The following CFAP91 variants were observed in gnomAD, a reference collection of about 807,000 sequenced individuals.
CFAP91 encodes cilia and flagella associated protein 91.
Under a neutral mutation model 95.9 loss-of-function variants are expected in CFAP91, and 85 were observed. The ratio of observed to expected loss-of-function variants is 0.89; its 90% confidence interval spans 0.74 to 1.06. CFAP91 has a LOEUF of 1.06. CFAP91 is among the 50% of genes least tolerant of loss of function. The pLI, the probability that CFAP91 is intolerant of heterozygous loss-of-function variation, is 0.00. For synonymous variants in CFAP91, 335 were observed against 327.5 expected (o/e 1.02, Z -0.25); for missense variants, 962 against 943.4 (o/e 1.02, Z -0.26).
chr3:119,736,517 C>A (rs891051167), intron 10 of CFAP91, among the ~76,000 whole-genome samples: 1 of 151,976 alleles, frequency 6.6e-6, no homozygotes, highest in African/African-American at 2.4e-5. Flanking sequence ...ACCTCGTGAT[C>A]CACCCTCCTC....
At chr3:119,750,885 A>G in intron 16 of CFAP91, 52 bp from the exon 17 acceptor site, 1 of 1,599,830 alleles carries the variant, frequency 6.3e-7, no homozygotes, top group Non-Finnish European at 8.6e-7. Context: ...ACATTTGGGA[A>G]TGGTTTTGTT....
chr3:119,740,385 G>A (rs927427093), intron 12 of CFAP91, among the ~76,000 whole-genome samples, 164 bp from the exon 13 acceptor site: 2 of 152,238 alleles, frequency 1.3e-5, no homozygotes, highest in African/African-American at 2.4e-5. Context: ...ACAGAAAAGA[G>A]GGCTGAGCTC....
rs1240029541 is a variant in CFAP91, at chr3:119,708,632, A to C, written c.401A>C (p.Asp134Ala). 1.2e-6 allele frequency: 2 copies of C among 1,607,320 alleles called. No homozygotes were observed. The highest frequency in any genetic ancestry group is 2.2e-5 in the South Asian group (2 of 89,566). Residue 134 changes from aspartate (D) to alanine (A), a missense_variant, in exon 4 of 18, where the codon GAT becomes GCT. By Grantham distance (126) the Asp-to-Ala change is moderately radical. Coordinates refer to ENST00000273390, the MANE Select transcript of CFAP91 (RefSeq NM_033364.4). ...SFQMPKEVYE[D>A]PEVTGKNRYK... is the part of the protein sequence containing the mutation. Reference sequence around the variant, plus strand: ...CAGATGCCTAAAGAAGTTTATGAAGATCCTGAAGTTACTGGAAAGAATCGC... The same window carrying C: ...CAGATGCCTAAAGAAGTTTATGAAGCTCCTGAAGTTACTGGAAAGAATCGC...
In CFAP91 at chr3:119,758,545, C is replaced by T. The variant is rs554080211; in HGVS notation, c.*2-6507C>T. Among the ~76,000 whole-genome samples, 3 of 152,212 alleles carry T rather than the reference C, an allele frequency of 2.0e-5. No individual in the cohort carries two copies. In the South Asian group the frequency reaches 6.2e-4, roughly 32 times the overall value. On this transcript the variant is annotated intron_variant, in intron 17 of 17. Coordinates refer to ENST00000273390, the MANE Select transcript of CFAP91 (RefSeq NM_033364.4). ...AGGAAATTTCAAAATTATTTATCTG[C>T]AATGGAAGCATGTTCATCTTACCTT...
At chr3:119,715,321 T>C (rs1199114731) in intron 5 of CFAP91, 3 of 627,114 alleles carry the variant, frequency 4.8e-6, no homozygotes, top group South Asian at 1.7e-5. Flanking sequence ...TAGGCACTTC[T>C]GTGGGTCAAC....
intron 5 of CFAP91, chr3:119,713,081 A>ATTTT (rs1200308750): frequency 1.1e-4 from 16 of 144,682 alleles, no homozygotes; most frequent in African/African-American, 3.1e-4. Flanking sequence ...TTTTTATTTT[A>ATTTT]TTTTTATTTA....
intron 16 of CFAP91, among the ~76,000 whole-genome samples, chr3:119,748,125 C>T (rs2054259612): frequency 6.6e-6 from 1 of 152,150 alleles, no homozygotes; most frequent in South Asian, 2.1e-4. Flanking sequence ...GTGACAGTAT[C>T]AAAATCCAAA....
intron 13 of CFAP91, 144 bp from the exon 14 acceptor site, chr3:119,743,831 T>G: frequency 1.4e-6 from 1 of 717,328 alleles, no homozygotes; most frequent in African/African-American, 1.8e-5. Flanking sequence ...TTGGAGCCAA[T>G]TGAGAGGTAA....
intron 6 of CFAP91, among the ~76,000 whole-genome samples, chr3:119,722,326 G>A (rs1002207811): frequency 6.6e-6 from 1 of 152,106 alleles, no homozygotes; most frequent in Non-Finnish European, 1.5e-5. Flanking sequence ...GGGCATGGTG[G>A]CATATGCCTG....
intron 7 of CFAP91, among the ~76,000 whole-genome samples, chr3:119,729,538 G>A (rs1442795059): frequency 1.3e-5 from 2 of 151,992 alleles, no homozygotes; most frequent in Admixed American, 6.6e-5. Flanking sequence ...CAGCTACTCG[G>A]GAGGCTGACC....
chr3:119,705,478 A>G (rs2053341555), intron 1 of CFAP91, among the ~76,000 whole-genome samples: 1 of 152,150 alleles, frequency 6.6e-6, no homozygotes. Context: ...CGTATCAGGC[A>G]TGTTCCCATC....
At chr3:119,740,729 G>A (rs1189748306) in intron 13 of CFAP91, 34 bp downstream of exon 13, 2 of 1,592,622 alleles carry the variant, frequency 1.3e-6, no homozygotes, top group Admixed American at 1.8e-5. Context: ...TTACTTTCTT[G>A]TTAAATTTTC....
rs1263407683 is a variant in CFAP91, at chr3:119,766,101, GA to G, written c.*1055del. 1 of 152,148 alleles carries G rather than the reference GA, an allele frequency of 6.6e-6. No homozygotes were observed. Among genetic ancestry groups the G allele is most frequent in the Non-Finnish European group, 1.5e-5 (1 of 68,024 alleles). The allele number at this position is 152,148 out of a possible 1,614,324, so 9.4% of individuals were successfully genotyped here. The stretch of plus-strand genomic sequence containing the variant: ...ATTTACACATTCATTTGGATGCAGT[GA>G]AAAGGGCAGAAATACCACAGCAGAG... On this transcript the variant is annotated 3_prime_UTR_variant, in exon 18 of 18. Transcript: ENST00000273390.
intron 14 of CFAP91, 29 bp downstream of exon 14, chr3:119,744,225 G>A: frequency 6.4e-7 from 1 of 1,572,448 alleles, no homozygotes; most frequent in African/African-American, 1.4e-5. Context: ...GTGTGTGGAA[G>A]CTGCCTAGAA....
chr3:119,757,506 G>A (rs1342110444), intron 17 of CFAP91, among the ~76,000 whole-genome samples: 1 of 151,974 alleles, frequency 6.6e-6, no homozygotes, highest in African/African-American at 2.4e-5. Context: ...AATTAGCCAG[G>A]CATGGTGGTG....
chr3:119,711,791 T>C (rs571134942), intron 5 of CFAP91, among the ~76,000 whole-genome samples: 35 of 152,376 alleles, frequency 2.3e-4, no homozygotes, highest in African/African-American at 7.2e-4. Context: ...GTCTTTCCTT[T>C]GGATTCTACA....
rs1559758090 is a variant in CFAP91, at chr3:119,732,352, TA to T, written c.1078del (p.Ile360SerfsTer31). ...TAGAAGGGAAGTTGGAGAGAAGAAA[TA>T]TCATCAAGGATTATTCTGATTATGC... Reference protein sequence around the residue: ...NIEGKLERRNIIKDYSDYASQ... With the variant: ...NIEGKLERRNXIKDYSDYASQ... On this transcript the variant is annotated frameshift_variant, in exon 9 of 18. Transcript: ENST00000273390. LOFTEE classifies it high-confidence loss of function. 1 of 1,611,384 alleles carries T rather than the reference TA, an allele frequency of 6.2e-7. No homozygotes were observed. Among genetic ancestry groups the T allele is most frequent in the African/African-American group, 1.3e-5 (1 of 74,826 alleles).
chr3:119,754,008 T>C (rs571360154), intron 17 of CFAP91, among the ~76,000 whole-genome samples: 56 of 152,372 alleles, frequency 3.7e-4, no homozygotes, highest in African/African-American at 1.3e-3. Context: ...TAAGCCAGAT[T>C]TTGGTACCAG....
chr3:119,738,724 T>A (rs1424301699), intron 11 of CFAP91, among the ~76,000 whole-genome samples: 2 of 152,174 alleles, frequency 1.3e-5, no homozygotes, highest in East Asian at 1.9e-4. Context: ...CAAAGGAATC[T>A]TAATTCGATT....
Sources: gnomAD v4.1 joint callset for allele counts (sites outside exome capture counted in the v4.1 genomes callset) on GRCh38, gnomAD v4.1.1 for gene constraint, MANE v1.5 for transcripts, NCBI Gene and HGNC (gene_info 2026-07-23, HGNC 2026-07-21) for gene names.